SORCS1: variants seen among roughly 807,000 people sequenced by gnomAD.
SORCS1 encodes sortilin related VPS10 domain containing receptor 1.
Under a neutral mutation model 146.1 loss-of-function variants are expected in SORCS1, and 60 were observed. The observed-to-expected ratio is 0.41, with a 90% CI of 0.33 to 0.51. SORCS1 has a LOEUF of 0.51. Among genes scored for constraint, SORCS1 ranks in the 20% least tolerant of loss-of-function variants. The pLI is 0.21. For synonymous variants in SORCS1, 637 were observed against 584.0 expected, an observed-to-expected ratio of 1.09 and a Z score of -1.31; for missense variants, 1,352 against 1,487.6, an observed-to-expected ratio of 0.91 and a Z score of 1.50.
intron 1 of SORCS1, among the ~76,000 whole-genome samples, chr10:107,088,218 G>T (rs1963913869): frequency 6.6e-6 from 1 of 152,034 alleles, no homozygotes; most frequent in Non-Finnish European, 1.5e-5. Context: ...GCTTGATTTT[G>T]TTGTTGTTGT....
intron 2 of SORCS1, among the ~76,000 whole-genome samples, chr10:106,922,157 T>A (rs566785355): frequency 1.3e-5 from 2 of 152,364 alleles, no homozygotes; most frequent in Admixed American, 1.3e-4. Context: ...ATGAAAGGGA[T>A]AAGTTTCTTT....
At chr10:106,704,396 A>G (rs1181573300) in intron 8 of SORCS1, among the ~76,000 whole-genome samples, 1 of 152,160 alleles carries the variant, frequency 6.6e-6, no homozygotes, top group Non-Finnish European at 1.5e-5. Flanking sequence ...ATGTCACTTA[A>G]CGAGTTTATT....
At chr10:106,745,493 A>G (rs945097298) in intron 5 of SORCS1, among the ~76,000 whole-genome samples, 1 of 152,228 alleles carries the variant, frequency 6.6e-6, no homozygotes, top group Non-Finnish European at 1.5e-5. Flanking sequence ...CACCTTCATT[A>G]GCACACTACA....
chr10:106,661,294 G>A (rs2135375311), intron 17 of SORCS1, among the ~76,000 whole-genome samples: 1 of 152,312 alleles, frequency 6.6e-6, no homozygotes, highest in African/African-American at 2.4e-5. Flanking sequence ...TCAGTAATCA[G>A]CTAAACACAT....
At chr10:106,680,493 G>GA (rs1852355759) in intron 10 of SORCS1, among the ~76,000 whole-genome samples, 1 of 152,144 alleles carries the variant, frequency 6.6e-6, no homozygotes, top group African/African-American at 2.4e-5. Context: ...GATATTATCA[G>GA]AATCAGAAAT....
rs370564626 is a variant in SORCS1 at position 107,056,445 on chromosome 10, C to T, written c.559-99865G>A. Among the ~76,000 whole-genome samples, 31 of 152,282 alleles carry T rather than the reference C, an allele frequency of 2.0e-4. 1 individual carries two copies. The East Asian group carries it at 5.2e-3, about 26-fold the overall frequency. On this transcript the variant is annotated intron_variant, in intron 1 of 25. Coordinates refer to ENST00000263054, the MANE Select transcript of SORCS1 (RefSeq NM_052918.5). The stretch of plus-strand genomic sequence containing the variant: ...ATAATGTCCTTCTCTTGCCACTGAG[C>T]TTTCCTTTTAATTTTAATTGTTCTC...
intron 24 of SORCS1, among the ~76,000 whole-genome samples, chr10:106,593,401 T>C (rs751229943): frequency 5.3e-5 from 8 of 152,222 alleles, no homozygotes; most frequent in Non-Finnish European, 1.0e-4. Flanking sequence ...CACGTTTGTC[T>C]TTTGCATAAG....
chr10:107,172,543 A>C, the SORCS1 span, among the ~76,000 whole-genome samples: 15 of 152,148 alleles, frequency 9.9e-5, no homozygotes, highest in Admixed American at 9.2e-4. Flanking sequence ...TCATCTTCTA[A>C]GTTAGCCATC....
At chr10:107,007,067 GTAGTAAT>G (rs1457736603) in intron 1 of SORCS1, among the ~76,000 whole-genome samples, 2 of 152,100 alleles carry the variant, frequency 1.3e-5, no homozygotes, top group Non-Finnish European at 2.9e-5. Flanking sequence ...TCTCAATTTT[GTAGTAAT>G]TAGTTTTTGT....
intron 4 of SORCS1, among the ~76,000 whole-genome samples, chr10:106,768,754 C>T (rs80347488): frequency 6.6e-6 from 1 of 152,332 alleles, no homozygotes; most frequent in African/African-American, 2.4e-5. Context: ...CTAAGACATG[C>T]TTTGTCTAAT....
chr10:106,833,070 A>G (rs1948626692), intron 2 of SORCS1, among the ~76,000 whole-genome samples: 1 of 137,070 alleles, frequency 7.3e-6, no homozygotes, highest in African/African-American at 2.5e-5. Context: ...CAAGATGACA[A>G]TAGAGTGACT....
At chr10:106,612,566 G>A (rs1160690660) in intron 21 of SORCS1, among the ~76,000 whole-genome samples, 1 of 151,856 alleles carries the variant, frequency 6.6e-6, no homozygotes, top group East Asian at 1.9e-4. Context: ...AGGGTGCCAT[G>A]TTGTTCTACA....
intron 3 of SORCS1, among the ~76,000 whole-genome samples, chr10:106,805,882 C>A (rs1405229258): frequency 6.7e-6 from 1 of 149,596 alleles, no homozygotes; most frequent in East Asian, 2.0e-4. Context: ...TACGGTGAAA[C>A]CCCGTCTCTA....
At chr10:107,173,895 CAA>C in the SORCS1 span, among the ~76,000 whole-genome samples, 2 of 152,144 alleles carry the variant, frequency 1.3e-5, no homozygotes, top group African/African-American at 4.8e-5. Context: ...CTTAATGCAT[CAA>C]GTTTGTCAAA....
At chr10:107,009,671 A>G (rs934763394) in intron 1 of SORCS1, among the ~76,000 whole-genome samples, 3 of 152,218 alleles carry the variant, frequency 2.0e-5, no homozygotes, top group African/African-American at 7.2e-5. Context: ...GCACCAAAAT[A>G]CGCAAGATTT....
At chr10:107,112,696 T>C (rs988754794) in intron 1 of SORCS1, among the ~76,000 whole-genome samples, 2 of 152,140 alleles carry the variant, frequency 1.3e-5, no homozygotes, top group Non-Finnish European at 2.9e-5. Flanking sequence ...AAAGGTATTC[T>C]ATGAAAAATG....
intron 24 of SORCS1, among the ~76,000 whole-genome samples, chr10:106,581,581 T>C (rs942597843): frequency 6.6e-6 from 1 of 152,058 alleles, no homozygotes; most frequent in South Asian, 2.1e-4. Context: ...TGTATGGATA[T>C]GTATGTGTGC....
chr10:106,910,106 C>G (rs890286984), intron 2 of SORCS1, among the ~76,000 whole-genome samples: 9 of 152,196 alleles, frequency 5.9e-5, no homozygotes, highest in African/African-American at 2.2e-4. Context: ...TCTGTGGCTT[C>G]TACCTCTAAA....
intron 3 of SORCS1, among the ~76,000 whole-genome samples, chr10:106,785,353 A>G (rs1003753548): frequency 6.6e-6 from 1 of 152,184 alleles, no homozygotes; most frequent in Non-Finnish European, 1.5e-5. Flanking sequence ...TAAATTGCCT[A>G]CATCCCTCCT....
Sources: gnomAD v4.1 joint callset for allele counts (sites outside exome capture counted in the v4.1 genomes callset) on GRCh38, gnomAD v4.1.1 for gene constraint, MANE v1.5 for transcripts, NCBI Gene and HGNC (gene_info 2026-07-23, HGNC 2026-07-21) for gene names.